The following XRCC6 variants were observed in gnomAD, a reference collection of about 807,000 sequenced individuals.
XRCC6 encodes the protein X-ray repair cross complementing 6, also known as DNA repair protein Ku70.
XRCC6 carries 5 observed loss-of-function variants against 65.7 expected under a neutral mutation model. The ratio of observed to expected loss-of-function variants is 0.08; its 90% CI spans 0.04 to 0.16. XRCC6 has a LOEUF of 0.16. Ranked by LOEUF, XRCC6 falls within the 10% of genes least tolerant of loss-of-function variation. The probability of loss-of-function intolerance (pLI) is 1.00; values close to 1 mark genes in which losing one functional copy is unlikely to be tolerated. For missense variants in XRCC6, 447 were observed against 738.1 expected, an observed-to-expected ratio of 0.61 and a Z score of 4.57; for synonymous variants, 270 against 270.6, an observed-to-expected ratio of 1.00 and a Z score of 0.02.
intron 6 of XRCC6, among the ~76,000 whole-genome samples, chr22:41,641,534 C>G (rs921397386): frequency 6.6e-6 from 1 of 152,098 alleles, no homozygotes; most frequent in Non-Finnish European, 1.5e-5. Flanking sequence ...CTGATCTGCT[C>G]TAAAGTATTA....
intron 6 of XRCC6, among the ~76,000 whole-genome samples, chr22:41,645,065 C>T (rs548162755): frequency 6.6e-6 from 1 of 151,842 alleles, no homozygotes; most frequent in Non-Finnish European, 1.5e-5. Context: ...CTTTGGGAGG[C>T]CGAGGCGGGC....
At chr22:41,661,271 T>TG (rs2068096353) in intron 11 of XRCC6, 60 bp from the exon 12 acceptor site, 1 of 1,453,248 alleles carries the variant, frequency 6.9e-7, no homozygotes, top group African/African-American at 1.4e-5. Context: ...GTTCTGGAAG[T>TG]GGACAGCAAG....
At chr22:41,637,335 C>T (rs1397085906) in intron 5 of XRCC6, among the ~76,000 whole-genome samples, 3 of 152,076 alleles carry the variant, frequency 2.0e-5, no homozygotes, top group South Asian at 2.1e-4. Flanking sequence ...TCCACCACCT[C>T]GCCCTCCCAA....
At chr22:41,643,207 G>A (rs997624590) in intron 6 of XRCC6, among the ~76,000 whole-genome samples, 5 of 151,146 alleles carry the variant, frequency 3.3e-5, no homozygotes, top group Non-Finnish European at 3.0e-5. Context: ...TCAGGAGTTC[G>A]AGACCAGCCA....
intron 3 of XRCC6, among the ~76,000 whole-genome samples, chr22:41,634,614 A>G (rs1196292781): frequency 6.7e-6 from 1 of 149,002 alleles, no homozygotes; most frequent in Non-Finnish European, 1.5e-5. Context: ...GCGCAATCTC[A>G]GCCCACTGCA....
At chr22:41,649,228 G>A (rs1450519626) in intron 7 of XRCC6, among the ~76,000 whole-genome samples, 1 of 147,962 alleles carries the variant, frequency 6.8e-6, no homozygotes, top group East Asian at 1.9e-4. Flanking sequence ...TTGCAGTAGC[G>A]CCATCATGGT....
intron 10 of XRCC6, among the ~76,000 whole-genome samples, chr22:41,657,254 A>G (rs1297629963): frequency 2.0e-5 from 3 of 152,226 alleles, no homozygotes; most frequent in Admixed American, 1.3e-4. Context: ...ACTTAGCCAG[A>G]TTAGTTGGTT....
At chr22:41,646,857 G>GT in intron 6 of XRCC6, 39 bp from the exon 7 acceptor site, 1 of 1,535,174 alleles carries the variant, frequency 6.5e-7, no homozygotes, top group Non-Finnish European at 8.8e-7. Flanking sequence ...GAAAAGTGCA[G>GT]TTTTTCAGTT....
At chr22:41,661,147 G>A (rs1241591954) in intron 11 of XRCC6, among the ~76,000 whole-genome samples, 184 bp from the exon 12 acceptor site, 2 of 152,210 alleles carry the variant, frequency 1.3e-5, no homozygotes, top group South Asian at 2.1e-4. Flanking sequence ...GCGGTAGTAT[G>A]TGTAATTACA....
chr22:41,647,047 G>A lies in XRCC6; in HGVS notation c.925G>A (p.Gly309Ser), dbSNP rs576287152. The change falls in exon 7 of 13, where the codon GGT becomes AGT. Residue 309 changes from glycine to serine, a missense_variant. Gly to Ser is a moderately conservative substitution (Grantham distance 56, BLOSUM62 0). Around this residue, in one of 4 missense-constraint regions of XRCC6, gnomAD observed 201 missense variants for 374.1 expected, o/e 0.54. Coordinates refer to ENST00000360079, the MANE Select transcript of XRCC6 (RefSeq NM_001469.5). ...KTRTFNTSTG[G>S]LLLPSDTKRS... ...CCGGACCTTTAATACAAGTACAGGCGGTTTGCTTCTGCCTAGCGATACCAA... is the reference window on the plus strand; with the variant it reads ...CCGGACCTTTAATACAAGTACAGGCAGTTTGCTTCTGCCTAGCGATACCAA... 5.0e-6 allele frequency: 8 copies of A among 1,614,080 alleles called. No individual in the cohort carries two copies. Among genetic ancestry groups the A allele is most frequent in the South Asian group, 4.4e-5 (4 of 91,072 alleles).
intron 6 of XRCC6, among the ~76,000 whole-genome samples, chr22:41,641,861 C>T (rs1018871496): frequency 7.9e-5 from 12 of 152,072 alleles, no homozygotes; most frequent in East Asian, 1.9e-4. Context: ...GGCGCGATCT[C>T]GGCTCACTGC....
At chr22:41,639,124 A>G (rs2067845024) in intron 6 of XRCC6, among the ~76,000 whole-genome samples, 1 of 152,112 alleles carries the variant, frequency 6.6e-6, no homozygotes, top group African/African-American at 2.4e-5. Context: ...ATGAGTGTGC[A>G]TTATTTGCTT....
chr22:41,625,285 A>G (rs1259894865), intron 2 of XRCC6, among the ~76,000 whole-genome samples: 1 of 152,206 alleles, frequency 6.6e-6, no homozygotes, highest in East Asian at 1.9e-4. Context: ...AAGGTTCTTG[A>G]CACACATTGC....
rs1414452382 is a variant in XRCC6, at chr22:41,636,714, A to G, written c.533A>G (p.Asn178Ser). 1.9e-6 allele frequency: 3 copies of G among 1,614,208 alleles called. No individual in the cohort carries two copies. The highest frequency in any genetic ancestry group is 1.1e-5 in the South Asian group (1 of 91,090). ...LFTNEDNPHGNDSAKASRART... is the reference protein window; with the variant it reads ...LFTNEDNPHGSDSAKASRART... Reference sequence around the variant, plus strand: ...ACCAATGAAGACAACCCCCATGGCAATGACAGTGCCAAAGCCAGCCGGGCC... The same window carrying G: ...ACCAATGAAGACAACCCCCATGGCAGTGACAGTGCCAAAGCCAGCCGGGCC... The change falls in exon 5 of 13, where the codon AAT becomes AGT. Residue 178 changes from asparagine (N) to serine (S), a missense_variant. Transcript: ENST00000360079.
At chr22:41,632,752 GTT>G (rs1001797158) in intron 3 of XRCC6, among the ~76,000 whole-genome samples, 2 of 151,524 alleles carry the variant, frequency 1.3e-5, no homozygotes, top group African/African-American at 4.9e-5. Context: ...GAGCCCAGGA[GTT>G]TGAGGCTGCA....
chr22:41,638,519 T>C (rs1233568075), intron 6 of XRCC6, among the ~76,000 whole-genome samples: 1 of 152,118 alleles, frequency 6.6e-6, no homozygotes, highest in Non-Finnish European at 1.5e-5. Context: ...ACACGGTGGC[T>C]CACGCCTTGT....
At chr22:41,626,152 A>T (rs1438465430) in intron 2 of XRCC6, among the ~76,000 whole-genome samples, 4 of 131,244 alleles carry the variant, frequency 3.0e-5, no homozygotes, top group East Asian at 2.3e-4. Flanking sequence ...ATTTATTTTT[A>T]TTTTTTTTGA....
At chr22:41,626,841 C>T (rs1030674536) in intron 2 of XRCC6, among the ~76,000 whole-genome samples, 2 of 151,860 alleles carry the variant, frequency 1.3e-5, no homozygotes, top group African/African-American at 2.4e-5. Flanking sequence ...AGGGTTTCAC[C>T]GTATTAGCTA....
In XRCC6 at chr22:41,622,241, C is replaced by T. The variant is rs1001425467; in HGVS notation, c.82+155C>T. Among the ~76,000 whole-genome samples, 22 of 152,164 alleles carry T rather than the reference C, an allele frequency of 1.4e-4. 1 individual carries two copies. The highest frequency in any genetic ancestry group is 8.8e-5 in the Non-Finnish European group (6 of 68,014). ...TTCCTTTGAACTTCGCAGAGCTACCCTAGGCTCTTATATGCAGATCTTACT... is the reference window on the plus strand; with the variant it reads ...TTCCTTTGAACTTCGCAGAGCTACCTTAGGCTCTTATATGCAGATCTTACT... On this transcript the variant is annotated intron_variant, in intron 2 of 12. Coordinates refer to ENST00000360079, the MANE Select transcript of XRCC6 (RefSeq NM_001469.5).
Sources: allele counts gnomAD v4.1 joint callset (sites outside exome capture counted in the v4.1 genomes callset), GRCh38; gene constraint gnomAD v4.1.1; regional missense constraint gnomAD v4.1.1; transcripts MANE v1.5; gene names NCBI Gene and HGNC (gene_info 2026-07-23, HGNC 2026-07-21).